The following KIF13A variants were observed in gnomAD, a reference collection of about 807,000 sequenced individuals.
KIF13A encodes kinesin family member 13A, also known as kinesin-like protein KIF13A.
KIF13A carries 79 observed loss-of-function variants against 212.2 expected under a neutral mutation model. The observed-to-expected ratio is 0.37, with a 90% CI of 0.31 to 0.45. KIF13A has a LOEUF of 0.45. Among genes scored for constraint, KIF13A ranks in the 20% least tolerant of loss-of-function variants. The pLI, the probability that KIF13A is intolerant of heterozygous loss-of-function variation, is 1.00. For synonymous variants in KIF13A, 789 were observed against 808.6 expected (o/e 0.98, Z 0.41); for missense variants, 1,901 against 2,209.0 (o/e 0.86, Z 2.79).
In KIF13A at chr6:17,772,455, CA is replaced by C. The variant is rs1317163563; in HGVS notation, c.4325-397del. Among the ~76,000 whole-genome samples, 3 of 151,982 alleles carry C rather than the reference CA, an allele frequency of 2.0e-5. No homozygotes were observed. The highest frequency in any genetic ancestry group is 6.6e-5 in the Admixed American group (1 of 15,244). ...AACCCCACAAACAACAAACAACAAA[CA>C]AAAAAACCCCCAAAAAACCATGGAA... On this transcript the variant is annotated intron_variant, in intron 36 of 38. Transcript: ENST00000259711. This position sits in a 1 kb window ranked among gnomAD's most constrained non-coding sequence, Gnocchi z 4.8.
At position 17,796,725 on chromosome 6, in the gene KIF13A, G is replaced by C; in HGVS notation, c.2886C>G (p.Gly962=). 6.3e-7 allele frequency: 1 copy of C among 1,592,906 alleles called. No homozygotes were observed. The highest frequency in any genetic ancestry group is 8.6e-7 in the Non-Finnish European group (1 of 1,168,812). The change falls in exon 23 of 39, where the codon GGC becomes GGG. Residue 962 remains glycine, a synonymous_variant. Transcript: ENST00000259711. The part of the protein sequence containing the change: ...EVWGHRCAGN[G]SSIWEVDSLH... ...GAGAATCGACCTCCCAGATGGAGCTGCCATTTCCAGCACACCGGTGGCCCC... is the reference window on the plus strand; with the variant it reads ...GAGAATCGACCTCCCAGATGGAGCTCCCATTTCCAGCACACCGGTGGCCCC...
chr6:17,940,048 T>TAAAAAAAA (rs56365666), intron 2 of KIF13A, among the ~76,000 whole-genome samples: 2 of 121,862 alleles, frequency 1.6e-5, no homozygotes, highest in African/African-American at 3.1e-5. Flanking sequence ...TCTCATAAAT[T>TAAAAAAAA]AAAAAAAAAA....
Position 17,963,322 on chromosome 6 carries a change from G to A in KIF13A, c.146+23732C>T, listed in dbSNP as rs1173779267. On this transcript the variant is annotated intron_variant, in intron 2 of 38. Transcript: ENST00000259711. The surrounding 1 kb of genome is among the most constrained non-coding windows in gnomAD (Gnocchi z 4.1). ...AGTCCCAGCTACTCGGGAGGCTGAC[G>A]CAGGAGAATCACTTGAACCTGGGAG... Among the ~76,000 whole-genome samples, 7 of 152,152 alleles carry A rather than the reference G, an allele frequency of 4.6e-5. No homozygotes were observed. The highest frequency in any genetic ancestry group is 7.3e-5 in the Non-Finnish European group (5 of 68,044).
chr6:17,781,211 A>C lies in KIF13A; in HGVS notation c.3635T>G (p.Phe1212Cys), dbSNP rs2150307638. 1 of 1,613,930 alleles carries C rather than the reference A, an allele frequency of 6.2e-7. No homozygotes were observed. The highest frequency in any genetic ancestry group is 2.2e-5 in the East Asian group (1 of 44,870). Reference sequence around the variant, plus strand: ...ACTGTGCTTTATGATGGGCAGGTAGAAAAACTGGCTGCCATGCTCCTTGGG... The same window carrying C: ...ACTGTGCTTTATGATGGGCAGGTAGCAAAACTGGCTGCCATGCTCCTTGGG... ...ILPKEHGSQF[F>C]YLPIIKHSDD... Residue 1212 changes from phenylalanine to cysteine, a missense_variant, in exon 30 of 39, where the codon TTC (phenylalanine) becomes TGC (cysteine). By Grantham distance (205) the Phe-to-Cys change is radical. This residue lies in a region of KIF13A where 687 missense variants were observed against 759.1 expected (regional missense o/e 0.90). Coordinates refer to ENST00000259711, the MANE Select transcript of KIF13A (RefSeq NM_022113.6).
chr6:17,954,217 C>T (rs966667807), intron 2 of KIF13A, among the ~76,000 whole-genome samples: 7 of 149,518 alleles, frequency 4.7e-5, no homozygotes, highest in Non-Finnish European at 1.0e-4. Context: ...AGGAGAATGG[C>T]GTGAACCTGG....
chr6:17,807,611 G>A (rs1326318986), intron 18 of KIF13A, among the ~76,000 whole-genome samples: 1 of 144,682 alleles, frequency 6.9e-6, no homozygotes, highest in Non-Finnish European at 1.6e-5. Flanking sequence ...CCTCTGTCCT[G>A]TTCCCTCAGA....
At chr6:17,848,273 T>A (rs1767270183) in intron 9 of KIF13A, among the ~76,000 whole-genome samples, 1 of 152,204 alleles carries the variant, frequency 6.6e-6, no homozygotes, top group South Asian at 2.1e-4. Flanking sequence ...GAAAATCCAC[T>A]TTCCTAGCTA....
At position 17,828,532 on chromosome 6, in the gene KIF13A, C is replaced by T. The variant is rs1378192871; in HGVS notation, c.1402-162G>A. ...TTAAGCATTAAAAGTAAAACGCTTA[C>T]CCTTAATACACCAAATTAAAAAAAA... On this transcript the variant is annotated intron_variant, in intron 13 of 38. Transcript: ENST00000259711. This position sits in a 1 kb window ranked among gnomAD's most constrained non-coding sequence, Gnocchi z 4.3. Among the ~76,000 whole-genome samples, 1 of 151,744 alleles carries T rather than the reference C, an allele frequency of 6.6e-6. No individual in the cohort carries two copies. The highest frequency in any genetic ancestry group is 2.4e-5 in the African/African-American group (1 of 41,094).
Position 17,796,835 on chromosome 6 carries a change from G to C in KIF13A, c.2791-15C>G. On this transcript the variant is annotated splice_polypyrimidine_tract_variant and intron_variant, in intron 22 of 38. Coordinates refer to ENST00000259711, the MANE Select transcript of KIF13A (RefSeq NM_022113.6). ...ACCACATAGTCCTGGGATAAGTGGG[G>C]GAAAGCAAAAGAATTATGCTTAAAG... 6.8e-7 allele frequency: 1 copy of C among 1,463,346 alleles called. No individual in the cohort carries two copies. Among genetic ancestry groups the C allele is most frequent in the Non-Finnish European group, 9.1e-7 (1 of 1,098,460 alleles). 90.6% of individuals were successfully genotyped at this position (1,463,346 alleles called of 1,614,324 possible).
At chr6:17,874,052 A>G (rs1012517113) in intron 3 of KIF13A, among the ~76,000 whole-genome samples, 9 of 152,150 alleles carry the variant, frequency 5.9e-5, no homozygotes, top group Non-Finnish European at 1.0e-4. Context: ...AACAAAAACA[A>G]TATCTTCTCT....
At chr6:17,784,642 A>T (rs1384319195) in intron 28 of KIF13A, among the ~76,000 whole-genome samples, 8 of 152,192 alleles carry the variant, frequency 5.3e-5, no homozygotes, top group Admixed American at 4.6e-4. Context: ...AAGTTTGAAA[A>T]CACTTTACAC....
chr6:17,774,012 G>C (rs953794913), intron 35 of KIF13A, among the ~76,000 whole-genome samples: 1 of 152,110 alleles, frequency 6.6e-6, no homozygotes. Context: ...GACTGTCCAA[G>C]GCAAATTTGG....
chr6:17,817,532 G>A (rs905005153), intron 16 of KIF13A, among the ~76,000 whole-genome samples: 2 of 152,196 alleles, frequency 1.3e-5, no homozygotes, highest in Non-Finnish European at 2.9e-5. Flanking sequence ...GCAGATGGGG[G>A]AAGAGAGAGG....
chr6:17,889,522 C>T (rs867799554), intron 3 of KIF13A, among the ~76,000 whole-genome samples: 1 of 152,200 alleles, frequency 6.6e-6, no homozygotes, highest in Non-Finnish European at 1.5e-5. Flanking sequence ...TATGATCCTA[C>T]ACAAAGTGAT....
Position 17,912,169 on chromosome 6 carries a change from T to C in KIF13A, c.147-13989A>G, listed in dbSNP as rs1451923601. Among the ~76,000 whole-genome samples the C allele has an allele frequency of 6.6e-6, 1 of 152,334 alleles. No homozygotes were observed. Among genetic ancestry groups the C allele is most frequent in the Non-Finnish European group, 1.5e-5 (1 of 68,032 alleles). Reference sequence around the variant, plus strand: ...GATGGATACCCCATTCTCCATGATGTGATTATTACGCATTGCATGCCTACA... The same window carrying C: ...GATGGATACCCCATTCTCCATGATGCGATTATTACGCATTGCATGCCTACA... On this transcript the variant is annotated intron_variant, in intron 2 of 38. Coordinates refer to ENST00000259711, the MANE Select transcript of KIF13A (RefSeq NM_022113.6). This position sits in a 1 kb window ranked among gnomAD's most constrained non-coding sequence, Gnocchi z 4.2.
At position 17,924,934 on chromosome 6, in the gene KIF13A, C is replaced by T. The variant is rs572952415; in HGVS notation, c.147-26754G>A. 3.3e-5 allele frequency among the ~76,000 whole-genome samples: 5 copies of T among 152,312 alleles called. No individual in the cohort carries two copies. In the South Asian group the frequency reaches 1.0e-3, roughly 32 times the overall value. On this transcript the variant is annotated intron_variant, in intron 2 of 38. Coordinates refer to ENST00000259711, the MANE Select transcript of KIF13A (RefSeq NM_022113.6). ...ACGCTTAGGTTAACTGATTTCCCCA[C>T]ACCATATGATGGGCAATATCTAAAA... is the stretch of plus-strand genomic sequence containing the variant.
intron 16 of KIF13A, chr6:17,822,007 A>G: frequency 7.8e-7 from 1 of 1,277,808 alleles, no homozygotes; most frequent in Non-Finnish European, 1.1e-6. Context: ...CTCCACTGGA[A>G]CTGGGTAAAG....
chr6:17,823,902 G>A (rs976046830), intron 16 of KIF13A, among the ~76,000 whole-genome samples: 3 of 146,596 alleles, frequency 2.0e-5, no homozygotes, highest in Non-Finnish European at 3.0e-5. Flanking sequence ...CATGCCTGGC[G>A]TTTAATTTAA....
chr6:17,924,167 AGAT>A (rs1172669371), intron 2 of KIF13A, among the ~76,000 whole-genome samples: 1 of 152,172 alleles, frequency 6.6e-6, no homozygotes, highest in Non-Finnish European at 1.5e-5. Flanking sequence ...ATCTGAGCAG[AGAT>A]GATATTTCTA....
Sources: allele counts gnomAD v4.1 joint callset (sites outside exome capture counted in the v4.1 genomes callset), GRCh38; gene constraint gnomAD v4.1.1; regional missense constraint gnomAD v4.1.1; non-coding constraint Gnocchi (gnomAD v3.1); transcripts MANE v1.5; gene names NCBI Gene and HGNC (gene_info 2026-07-23, HGNC 2026-07-21).